The following P4HA1 variants were observed in gnomAD, a reference collection of about 807,000 sequenced individuals.
P4HA1 encodes the protein prolyl 4-hydroxylase subunit alpha-1.
A neutral mutation model predicts 72.8 loss-of-function variants in P4HA1; 24 were observed. That is an observed-to-expected ratio of 0.33 (90% CI 0.24 to 0.46). The LOEUF is 0.46. Among genes scored for constraint, P4HA1 ranks in the 20% least tolerant of loss-of-function variants. P4HA1 has a pLI of 1.00. For synonymous variants in P4HA1, 201 were observed against 218.8 expected (o/e 0.92, Z 0.72); for missense variants, 446 against 640.6 (o/e 0.70, Z 3.28).
intron 11 of P4HA1, 55 bp downstream of exon 11, chr10:73,016,791 A>G: frequency 2.3e-6 from 3 of 1,311,626 alleles, no homozygotes; most frequent in Admixed American, 3.5e-5. Flanking sequence ...TTGTTTTGAG[A>G]CAAACAATGT....
At chr10:73,095,468 A>G (rs1345498267) in intron 1 of P4HA1, among the ~76,000 whole-genome samples, 1 of 151,662 alleles carries the variant, frequency 6.6e-6, no homozygotes, top group Non-Finnish European at 1.5e-5. Flanking sequence ...GACTAGCCTC[A>G]TTCATAAGCT....
In P4HA1 at chr10:73,008,189, TACA is replaced by T. The variant is rs1471515303; in HGVS notation, c.*30_*32del. The T allele has an allele frequency of 9.4e-6, 13 of 1,384,512 alleles. No homozygotes were observed. The highest frequency in any genetic ancestry group is 2.3e-5 in the East Asian group (1 of 43,738). The allele number at this position is 1,384,512 out of a possible 1,614,324, so 85.8% of individuals were successfully genotyped here. On this transcript the variant is annotated 3_prime_UTR_variant, in exon 15 of 15. Transcript: ENST00000394890. ...AATGTGTATATCAGACACATAAGAGTACAACAATAGGAGAAAAAGGGAAGCCTG... is the reference window on the plus strand; with the variant it reads ...AATGTGTATATCAGACACATAAGAGTACAATAGGAGAAAAAGGGAAGCCTG...
intron 1 of P4HA1, among the ~76,000 whole-genome samples, chr10:73,079,323 A>T (rs1647266072): frequency 6.6e-6 from 1 of 152,106 alleles, no homozygotes; most frequent in Non-Finnish European, 1.5e-5. Context: ...CAGGTGTGGT[A>T]GTAGTCCCAG....
At chr10:73,032,448 C>A (rs912196555) in intron 9 of P4HA1, among the ~76,000 whole-genome samples, 2 of 152,170 alleles carry the variant, frequency 1.3e-5, no homozygotes, top group Non-Finnish European at 2.9e-5. Flanking sequence ...CAATACTCAT[C>A]CTTTTGGAAA....
intron 9 of P4HA1, among the ~76,000 whole-genome samples, chr10:73,035,015 G>A (rs1358801105): frequency 6.6e-6 from 1 of 151,982 alleles, no homozygotes; most frequent in Non-Finnish European, 1.5e-5. Flanking sequence ...GGACATTTGG[G>A]TTGCTTCTAA....
At chr10:73,042,467 A>G (rs1840759218) in intron 9 of P4HA1, among the ~76,000 whole-genome samples, 1 of 152,114 alleles carries the variant, frequency 6.6e-6, no homozygotes, top group Non-Finnish European at 1.5e-5. Flanking sequence ...TGACAACTAA[A>G]TTTTTTCATA....
rs779254843 is a variant in P4HA1 at position 73,072,192 on chromosome 10, A to G, written c.174-12T>C. The G allele has an allele frequency of 3.8e-5, 60 of 1,590,644 alleles. 2 individuals carry two copies. In the Middle Eastern group the frequency reaches 5.0e-4, roughly 13 times the overall value. Reference sequence around the variant, plus strand: ...ACTTCTCTGCCCATCTACAGATGTAAAACATAAAAACTGAATATTTATATT... The same window carrying G: ...ACTTCTCTGCCCATCTACAGATGTAGAACATAAAAACTGAATATTTATATT... On this transcript the variant is annotated splice_polypyrimidine_tract_variant and intron_variant, in intron 3 of 14. Transcript: ENST00000394890.
In P4HA1 at chr10:73,013,409, A is replaced by G. The variant is rs540674771; in HGVS notation, c.1368+815T>C. Among the ~76,000 whole-genome samples, 30 of 152,332 alleles carry G rather than the reference A, an allele frequency of 2.0e-4. No individual in the cohort carries two copies. The South Asian group carries it at 5.0e-3, about 25-fold the overall frequency. On this transcript the variant is annotated intron_variant, in intron 12 of 14. Coordinates refer to ENST00000394890, the MANE Select transcript of P4HA1 (RefSeq NM_001017962.3). ...CTATGCTGTGAAGAAGCTCAGCCACATGTATTGGCCAGACTTTAGGCATTC... is the reference window on the plus strand; with the variant it reads ...CTATGCTGTGAAGAAGCTCAGCCACGTGTATTGGCCAGACTTTAGGCATTC...
Position 73,008,219 on chromosome 10 carries a change from T to C in P4HA1, c.*3A>G. On this transcript the variant is annotated 3_prime_UTR_variant, in exon 15 of 15. Coordinates refer to ENST00000394890, the MANE Select transcript of P4HA1 (RefSeq NM_001017962.3). ...CAATAGGAGAAAAAGGGAAGCCTGT[T>C]TGTCATTCCAATTCTGACAACGTAC... The C allele has an allele frequency of 6.3e-7, 1 of 1,591,914 alleles. No homozygotes were observed. The highest frequency in any genetic ancestry group is 8.6e-7 in the Non-Finnish European group (1 of 1,160,278).
intron 1 of P4HA1, among the ~76,000 whole-genome samples, chr10:73,078,704 C>T (rs1047022248): frequency 6.7e-6 from 1 of 150,292 alleles, no homozygotes; most frequent in Non-Finnish European, 1.5e-5. Context: ...CTCCGCCTCC[C>T]GGGTTCAAGC....
chr10:73,087,083 C>T (rs1405460320), intron 1 of P4HA1, among the ~76,000 whole-genome samples: 4 of 151,854 alleles, frequency 2.6e-5, no homozygotes, highest in Non-Finnish European at 4.4e-5. Context: ...AAAGTAGCTA[C>T]ACTATTTGCC....
intron 9 of P4HA1, among the ~76,000 whole-genome samples, chr10:73,037,571 ATTTTTTTT>A (rs71021545): frequency 2.3e-4 from 7 of 30,616 alleles, no homozygotes; most frequent in African/African-American, 8.8e-4. Context: ...ATATATATAT[ATTTTTTTT>A]TTTTTTTTTT....
chr10:73,072,233 C>T (rs1287693997), intron 3 of P4HA1, 53 bp from the exon 4 acceptor site: 3 of 1,430,702 alleles, frequency 2.1e-6, no homozygotes, highest in African/African-American at 2.8e-5. Context: ...GGGAAAAACA[C>T]AATTTAATGA....
intron 10 of P4HA1, among the ~76,000 whole-genome samples, chr10:73,025,739 T>G (rs1475576113): frequency 2.0e-5 from 3 of 152,172 alleles, no homozygotes; most frequent in Non-Finnish European, 4.4e-5. Flanking sequence ...AAAATCTCCT[T>G]AAGCTGATAA....
At chr10:73,014,329 T>TAGG (rs1406371435) in intron 11 of P4HA1, 40 bp from the exon 12 acceptor site, 4 of 1,433,698 alleles carry the variant, frequency 2.8e-6, no homozygotes, top group Non-Finnish European at 3.9e-6. Flanking sequence ...GTGTAAAAAT[T>TAGG]CAGTAATACA....
At chr10:73,063,426 T>C (rs933895139) in intron 5 of P4HA1, among the ~76,000 whole-genome samples, 11 of 152,220 alleles carry the variant, frequency 7.2e-5, no homozygotes, top group Non-Finnish European at 1.3e-4. Flanking sequence ...ACCATCACAC[T>C]GGCCATGAAG....
chr10:73,033,209 G>A (rs1208840304), intron 9 of P4HA1, among the ~76,000 whole-genome samples: 1 of 152,094 alleles, frequency 6.6e-6, no homozygotes, highest in Non-Finnish European at 1.5e-5. Flanking sequence ...TAATTGCAAT[G>A]CTAAATTGGA....
At chr10:73,038,760 G>A (rs1840662862) in intron 9 of P4HA1, among the ~76,000 whole-genome samples, 1 of 134,464 alleles carries the variant, frequency 7.4e-6, no homozygotes, top group Non-Finnish European at 1.5e-5. Context: ...CCAAGTAGCT[G>A]GGACTACAGG....
chr10:73,014,343 A>ACT lies in P4HA1; in HGVS notation c.1303-56_1303-55dup, dbSNP rs1347842677. On this transcript the variant is annotated intron_variant, in intron 11 of 14. Transcript: ENST00000394890. ...GGTGTAAAAATTCAGTAATACAAAT[A>ACT]CTCTAGTGGCAACTAAACATCAGTA... is the stretch of plus-strand genomic sequence containing the variant. 6.8e-5 allele frequency: 86 copies of ACT among 1,260,866 alleles called. No individual in the cohort carries two copies. In the African/African-American group the frequency reaches 1.1e-3, roughly 16 times the overall value. 78.1% of individuals were successfully genotyped at this position (1,260,866 alleles called of 1,614,324 possible).
Sources: gnomAD v4.1 joint callset for allele counts (sites outside exome capture counted in the v4.1 genomes callset) on GRCh38, gnomAD v4.1.1 for gene constraint, MANE v1.5 for transcripts, NCBI Gene and HGNC (gene_info 2026-07-23, HGNC 2026-07-21) for gene names.